The following ZWILCH variants were observed in gnomAD, a reference collection of about 807,000 sequenced individuals.
ZWILCH encodes protein zwilch homolog.
In ZWILCH, 74 loss-of-function variants were observed where a neutral mutation model predicts 79.9. The ratio of observed to expected loss-of-function variants is 0.93; its 90% CI spans 0.77 to 1.12. The LOEUF (loss-of-function observed/expected upper bound fraction) is 1.12, where lower values mean the gene tolerates loss of function less well. Among genes scored for constraint, ZWILCH ranks in the 50% most tolerant of loss-of-function variants. The pLI, the probability that ZWILCH is intolerant of heterozygous loss-of-function variation, is 0.00. For missense variants in ZWILCH, 694 were observed against 687.5 expected, an observed-to-expected ratio of 1.01 and a Z score of -0.11; for synonymous variants, 241 against 228.2, an observed-to-expected ratio of 1.06 and a Z score of -0.51.
At chr15:66,526,967 C>T (rs888728175) in intron 8 of ZWILCH, among the ~76,000 whole-genome samples, 8 of 152,112 alleles carry the variant, frequency 5.3e-5, no homozygotes, top group Non-Finnish European at 1.0e-4. Flanking sequence ...CACCTATGCA[C>T]GTGGCATCAT....
At chr15:66,528,379 C>T (rs1222535963) in intron 10 of ZWILCH, among the ~76,000 whole-genome samples, 1 of 152,196 alleles carries the variant, frequency 6.6e-6, no homozygotes, top group Non-Finnish European at 1.5e-5. Context: ...GCTGGGATTA[C>T]AGGCATAGCC....
intron 1 of ZWILCH, among the ~76,000 whole-genome samples, chr15:66,506,201 G>A (rs983303695): frequency 7.9e-5 from 12 of 151,996 alleles, no homozygotes; most frequent in African/African-American, 2.9e-4. Flanking sequence ...TATCTTCATT[G>A]CTTTTTTTCC....
At position 66,535,997 on chromosome 15, in the gene ZWILCH, A is replaced by G. The variant is rs771712554; in HGVS notation, c.1406A>G (p.His469Arg). ...GTTTATCGTGTCCAAAAACTCCACC[A>G]TATTCTAGAAATATTAGTCAGTTGC... ...EQVYRVQKLHHILEILVSCMP... is the reference protein window; with the variant it reads ...EQVYRVQKLHRILEILVSCMP... The change falls in exon 15 of 19, where the codon CAT becomes CGT. Residue 469 changes from histidine to arginine, a missense_variant. By Grantham distance (29) the His-to-Arg change is conservative. Transcript: ENST00000307897. 1.2e-6 allele frequency: 2 copies of G among 1,613,052 alleles called. No individual in the cohort carries two copies. Among genetic ancestry groups the G allele is most frequent in the Non-Finnish European group, 1.7e-6 (2 of 1,179,694 alleles).
intron 10 of ZWILCH, among the ~76,000 whole-genome samples, chr15:66,528,637 TC>T (rs778816456): frequency 4.6e-5 from 7 of 152,176 alleles, no homozygotes; most frequent in Admixed American, 2.0e-4. Flanking sequence ...AGCTGAATGC[TC>T]ACTTTTAGGC....
At chr15:66,537,020 T>C (rs1895036349) in intron 15 of ZWILCH, 148 bp from the exon 16 acceptor site, 3 of 443,146 alleles carry the variant, frequency 6.8e-6, no homozygotes, top group South Asian at 9.1e-5. Context: ...TGTGTTTGTT[T>C]GTTTACTTTT....
In ZWILCH at chr15:66,528,320, T is replaced by C. The variant is rs140204723; in HGVS notation, c.969+408T>C. Among the ~76,000 whole-genome samples the C allele has an allele frequency of 2.9e-3, 438 of 152,278 alleles. 3 individuals are homozygous for C. The highest frequency in any genetic ancestry group is 0.01 in the African/African-American group (424 of 41,546). Reference sequence around the variant, plus strand: ...GTTCTCACTATATTGCCTAGGCTGGTCTTGAACTCGTGGGCTCAAGCAATC... The same window carrying C: ...GTTCTCACTATATTGCCTAGGCTGGCCTTGAACTCGTGGGCTCAAGCAATC... On this transcript the variant is annotated intron_variant, in intron 10 of 18. Coordinates refer to ENST00000307897, the MANE Select transcript of ZWILCH (RefSeq NM_017975.5).
intron 5 of ZWILCH, among the ~76,000 whole-genome samples, chr15:66,519,829 A>G (rs1002541135): frequency 5.3e-4 from 80 of 151,826 alleles, no homozygotes; most frequent in African/African-American, 1.9e-3. Context: ...ACAGAGCCTC[A>G]CTCTGTAGCC....
chr15:66,510,082 G>A (rs534363597), intron 2 of ZWILCH, among the ~76,000 whole-genome samples: 1 of 150,390 alleles, frequency 6.6e-6, no homozygotes, highest in South Asian at 2.1e-4. Flanking sequence ...GGAGGCTGAG[G>A]CAGGAGAATC....
At chr15:66,510,619 A>G (rs991718938) in intron 2 of ZWILCH, among the ~76,000 whole-genome samples, 1 of 152,126 alleles carries the variant, frequency 6.6e-6, no homozygotes, top group African/African-American at 2.4e-5. Flanking sequence ...CTATAGCAAA[A>G]TACTGCAAAT....
At chr15:66,536,141 C>T in intron 15 of ZWILCH, 72 bp downstream of exon 15, 1 of 1,343,378 alleles carries the variant, frequency 7.4e-7, no homozygotes, top group Non-Finnish European at 1.0e-6. Context: ...TAAATATGTA[C>T]AGTTTTTATT....
intron 17 of ZWILCH, among the ~76,000 whole-genome samples, chr15:66,542,355 G>A (rs1202673034): frequency 1.3e-5 from 2 of 152,194 alleles, no homozygotes; most frequent in African/African-American, 4.8e-5. Context: ...GGAGGTCCAG[G>A]CAAGTGGATC....
At chr15:66,508,762 A>G in intron 1 of ZWILCH, 79 bp from the exon 2 acceptor site, 1 of 1,592,650 alleles carries the variant, frequency 6.3e-7, no homozygotes, top group Non-Finnish European at 8.6e-7. Context: ...TGCAGAGATA[A>G]AGTGATGACT....
chr15:66,518,542 G>A lies in ZWILCH; in HGVS notation c.321-337G>A, dbSNP rs1047814872. 5.3e-5 allele frequency among the ~76,000 whole-genome samples: 8 copies of A among 152,286 alleles called. No homozygotes were observed. The East Asian group carries it at 1.4e-3, about 26-fold the overall frequency. On this transcript the variant is annotated intron_variant, in intron 4 of 18. Coordinates refer to ENST00000307897, the MANE Select transcript of ZWILCH (RefSeq NM_017975.5). ...TAAAAGAAAATTCTGGCTGGACGTG[G>A]TGGCTCATGCCTATAATCCCAACAC...
At chr15:66,538,896 A>G (rs1330690157) in intron 16 of ZWILCH, among the ~76,000 whole-genome samples, 2 of 151,910 alleles carry the variant, frequency 1.3e-5, no homozygotes, top group Middle Eastern at 3.2e-3. Context: ...CTTACTTCCT[A>G]TCTTCCCTTG....
rs532452386 is a variant in ZWILCH, at chr15:66,513,721, G to A, written c.106-267G>A. 5.9e-5 allele frequency among the ~76,000 whole-genome samples: 9 copies of A among 152,080 alleles called. No individual in the cohort carries two copies. In the South Asian group the frequency reaches 8.3e-4, roughly 14 times the overall value. ...TGAGCAGCTGGGACTACAGGCGCCC[G>A]CCACCACGCCTGGCTAATTTTTTGT... On this transcript the variant is annotated intron_variant, in intron 2 of 18. Transcript: ENST00000307897.
At chr15:66,537,399 AAAT>A (rs1353950448) in intron 16 of ZWILCH, 136 bp downstream of exon 16, 12 of 551,130 alleles carry the variant, frequency 2.2e-5, no homozygotes, top group Non-Finnish European at 3.8e-5. Context: ...CTCTATTAAA[AAAT>A]AATAATAGCT....
At chr15:66,547,879 C>T (rs915709169) in intron 18 of ZWILCH, 1 of 152,518 alleles carries the variant, frequency 6.6e-6, no homozygotes, top group African/African-American at 2.4e-5. Context: ...CTTCACCTCC[C>T]AGGTTCAAGC....
chr15:66,542,589 AAAG>A (rs1250438295), intron 17 of ZWILCH, among the ~76,000 whole-genome samples: 72 of 152,352 alleles, frequency 4.7e-4, no homozygotes, highest in Non-Finnish European at 2.6e-4. Flanking sequence ...CGTCTCAAAA[AAAG>A]AAATTCGCAA....
intron 12 of ZWILCH, among the ~76,000 whole-genome samples, chr15:66,531,534 C>T (rs1456988691): frequency 6.6e-6 from 1 of 152,008 alleles, no homozygotes; most frequent in African/African-American, 2.4e-5. Context: ...GATCTCGGCT[C>T]ACTGCAGCCT....
Sources: gnomAD v4.1 joint callset for allele counts (sites outside exome capture counted in the v4.1 genomes callset) on GRCh38, gnomAD v4.1.1 for gene constraint, MANE v1.5 for transcripts, NCBI Gene and HGNC (gene_info 2026-07-23, HGNC 2026-07-21) for gene names.